CLEC4F: variants seen among roughly 807,000 people sequenced by gnomAD.
CLEC4F encodes C-type lectin domain family 4 member F, also known as C-type (calcium dependent, carbohydrate-recognition domain) lectin, superfamily member 13.
In CLEC4F, 45 loss-of-function variants were observed where a neutral mutation model predicts 53.4. That is an observed-to-expected ratio of 0.84 (90% CI 0.66 to 1.08). CLEC4F has a LOEUF of 1.08. CLEC4F is among the 50% of genes least tolerant of loss of function. The pLI is 0.00. For synonymous variants in CLEC4F, 245 were observed against 257.5 expected, an observed-to-expected ratio of 0.95 and a Z score of 0.46; for missense variants, 753 against 698.2, an observed-to-expected ratio of 1.08 and a Z score of -0.88.
chr2:70,812,150 A>C (rs1177445496), intron 5 of CLEC4F, among the ~76,000 whole-genome samples: 2 of 152,170 alleles, frequency 1.3e-5, no homozygotes, highest in Non-Finnish European at 2.9e-5. Context: ...AGAGAAGGGA[A>C]GTGTGCTCCT....
In CLEC4F at chr2:70,818,030, C is replaced by G. The variant is rs144047165; in HGVS notation, c.269-918G>C. On this transcript the variant is annotated intron_variant, in intron 3 of 6. Coordinates refer to ENST00000272367, the MANE Select transcript of CLEC4F (RefSeq NM_173535.3). Reference sequence around the variant, plus strand: ...GGACCTAATCTCACACATCCATGATCCCCTTCTGATTCCAGTCTCCCCTCA... The same window carrying G: ...GGACCTAATCTCACACATCCATGATGCCCTTCTGATTCCAGTCTCCCCTCA... 1.4e-4 allele frequency among the ~76,000 whole-genome samples: 21 copies of G among 152,330 alleles called. No homozygotes were observed. The East Asian group carries it at 4.1e-3, about 29-fold the overall frequency.
At position 70,809,402 on chromosome 2, in the gene CLEC4F, A is replaced by T. The variant is rs1676413754; in HGVS notation, c.1659-20T>A. On this transcript the variant is annotated intron_variant, in intron 6 of 6. Coordinates refer to ENST00000272367, the MANE Select transcript of CLEC4F (RefSeq NM_173535.3). ...CCAGGCCTGAGTAGGGCAGGGGGAAAAAAACAGAAAGACCCACTCACTGGC... is the reference window on the plus strand; with the variant it reads ...CCAGGCCTGAGTAGGGCAGGGGGAATAAAACAGAAAGACCCACTCACTGGC... The T allele has an allele frequency of 6.3e-7, 1 of 1,583,958 alleles. No homozygotes were observed. Among genetic ancestry groups the T allele is most frequent in the Admixed American group, 1.8e-5 (1 of 56,148 alleles).
At chr2:70,820,359 T>G (rs1306233952) in intron 1 of CLEC4F, 104 bp downstream of exon 1, 1 of 1,017,828 alleles carries the variant, frequency 9.8e-7, no homozygotes, top group African/African-American at 1.6e-5. Flanking sequence ...GACAAGGGTC[T>G]GGGGAGAGCA....
chr2:70,818,321 C>T (rs559189546), intron 3 of CLEC4F, among the ~76,000 whole-genome samples: 28 of 152,276 alleles, frequency 1.8e-4, no homozygotes, highest in African/African-American at 6.5e-4. Context: ...AGGCAATTCA[C>T]GGAGAAAGAT....
At chr2:70,813,103 T>A (rs1676653383) in intron 4 of CLEC4F, among the ~76,000 whole-genome samples, 1 of 152,254 alleles carries the variant, frequency 6.6e-6, no homozygotes, top group Admixed American at 6.5e-5. Context: ...GCCCCAATTC[T>A]GTCAGCTCTT....
At chr2:70,815,957 G>C in intron 4 of CLEC4F, 37 bp downstream of exon 4, 1 of 1,583,742 alleles carries the variant, frequency 6.3e-7, no homozygotes, top group Non-Finnish European at 8.6e-7. Flanking sequence ...TCAAGAGACT[G>C]TGCCCTCCCC....
chr2:70,811,407 T>C (rs1234161952), intron 5 of CLEC4F: 9 of 680,724 alleles, frequency 1.3e-5, no homozygotes, highest in Middle Eastern at 2.8e-4. Flanking sequence ...AGGCCAATTA[T>C]AGATATCCTG....
intron 5 of CLEC4F, chr2:70,811,142 C>A: frequency 1.5e-6 from 1 of 687,028 alleles, no homozygotes; most frequent in Non-Finnish European, 2.7e-6. Flanking sequence ...GTTTTATGAG[C>A]TATGCAAAGA....
chr2:70,820,898 C>T (rs1459043964), upstream of CLEC4F, among the ~76,000 whole-genome samples: 1 of 152,134 alleles, frequency 6.6e-6, no homozygotes, highest in Non-Finnish European at 1.5e-5. Context: ...ATCCTTATGA[C>T]TATGGCTGAC....
At chr2:70,820,375 A>G in intron 1 of CLEC4F, 88 bp downstream of exon 1, 2 of 1,190,326 alleles carry the variant, frequency 1.7e-6, no homozygotes, top group Non-Finnish European at 1.2e-6. Context: ...GAGCAATAAG[A>G]CAGCAATAAG....
In CLEC4F at chr2:70,808,905, C is replaced by G; in HGVS notation, c.*366G>C. The G allele has an allele frequency of 3.2e-6, 2 of 626,660 alleles. No homozygotes were observed. The highest frequency in any genetic ancestry group is 5.6e-6 in the Non-Finnish European group (2 of 358,828). The allele number at this position is 626,660 out of a possible 1,614,324, so 38.8% of individuals were successfully genotyped here. A position where few individuals can be genotyped will look rare whatever the true frequency, so the allele number is the denominator to read the frequency against. On this transcript the variant is annotated 3_prime_UTR_variant, in exon 7 of 7. Coordinates refer to ENST00000272367, the MANE Select transcript of CLEC4F (RefSeq NM_173535.3). Reference sequence around the variant, plus strand: ...GAGGGTCAGTATTGGCAAGCAGGAGCAGCCCCTCAGCTCTGGCCTGCCCTC... The same window carrying G: ...GAGGGTCAGTATTGGCAAGCAGGAGGAGCCCCTCAGCTCTGGCCTGCCCTC...
chr2:70,811,174 G>C, intron 5 of CLEC4F: 1 of 705,838 alleles, frequency 1.4e-6, no homozygotes, highest in South Asian at 1.3e-5. Context: ...TTCAGCTGCT[G>C]TCATTTGAGT....
At position 70,820,497 on chromosome 2, in the gene CLEC4F, G is replaced by A. The variant is rs1410689630; in HGVS notation, c.27C>T (p.Cys9=). 6.3e-7 allele frequency: 1 copy of A among 1,590,878 alleles called. No individual in the cohort carries two copies. Among genetic ancestry groups the A allele is most frequent in the African/African-American group, 1.3e-5 (1 of 74,688 alleles). ...GCAGGGAGACACACTGGTTATCTGT[G>A]CAGAAGCGGACTGCCTCACCGTCCA... MDGEAVRF[C]TDNQCVSLHP... Residue 9 remains cysteine, a synonymous_variant, in exon 1 of 7, where the codon TGC becomes TGT. Transcript: ENST00000272367.
At position 70,816,491 on chromosome 2, in the gene CLEC4F, G is replaced by C. The variant is rs782488351; in HGVS notation, c.890C>G (p.Ala297Gly). 2 of 1,614,180 alleles carry C rather than the reference G, an allele frequency of 1.2e-6. No individual in the cohort carries two copies. The highest frequency in any genetic ancestry group is 1.1e-5 in the South Asian group (1 of 91,080). ...AAAGGCCTGGGTCTGGGAGTTTAAA[G>C]CATTTGTGTTCTGCAAATTTTCCTT... ...GLKENLQNTN[A>G]LNSQTQAFIK... The change falls in exon 4 of 7, where the codon GCT becomes GGT. Residue 297 changes from alanine to glycine, a missense_variant. By Grantham distance (60) the Ala-to-Gly change is moderately conservative. Transcript: ENST00000272367.
intron 2 of CLEC4F, 112 bp from the exon 3 acceptor site, chr2:70,819,556 C>T: frequency 1.9e-6 from 2 of 1,065,778 alleles, no homozygotes; most frequent in African/African-American, 1.6e-5. Flanking sequence ...AGCAAAGACC[C>T]TCCCAGGGTT....
intron 4 of CLEC4F, among the ~76,000 whole-genome samples, chr2:70,814,528 G>A (rs572987151): frequency 6.6e-6 from 1 of 152,268 alleles, no homozygotes; most frequent in South Asian, 2.1e-4. Context: ...CAAGCCCTCT[G>A]GGGGTTCTGA....
chr2:70,813,492 CTTTTTCTTTCTTTCTTTCT>C (rs1188148518), intron 4 of CLEC4F, among the ~76,000 whole-genome samples: 2 of 148,234 alleles, frequency 1.3e-5, no homozygotes, highest in African/African-American at 5.0e-5. Context: ...CTCTTTCTTT[CTTTTTCTTTCTTTCTTTCT>C]TTTCTTTCTT....
At position 70,813,686 on chromosome 2, in the gene CLEC4F, T is replaced by C. The variant is rs528429968; in HGVS notation, c.1388-1088A>G. 3.3e-5 allele frequency among the ~76,000 whole-genome samples: 5 copies of C among 150,192 alleles called. No individual in the cohort carries two copies. In the South Asian group the frequency reaches 1.1e-3, roughly 32 times the overall value. On this transcript the variant is annotated intron_variant, in intron 4 of 6. Transcript: ENST00000272367. ...TCCTTCCTTTCTTTCTTCCTTTCTTTCTTTTTTTGAGACAGAGTTTTGCTA... is the reference window on the plus strand; with the variant it reads ...TCCTTCCTTTCTTTCTTCCTTTCTTCCTTTTTTTGAGACAGAGTTTTGCTA...
intron 5 of CLEC4F, chr2:70,811,073 G>A (rs1676530447): frequency 5.9e-6 from 4 of 676,056 alleles, no homozygotes; most frequent in Non-Finnish European, 1.1e-5. Flanking sequence ...CCATTCAGAA[G>A]ACATGCAGCA....
Sources: gnomAD v4.1 joint callset for allele counts (sites outside exome capture counted in the v4.1 genomes callset) on GRCh38, gnomAD v4.1.1 for gene constraint, MANE v1.5 for transcripts, NCBI Gene and HGNC (gene_info 2026-07-23, HGNC 2026-07-21) for gene names.